Variants in ASTN2 observed in about 807,000 individuals in gnomAD.
ASTN2 encodes astrotactin-2.
In ASTN2, 54 loss-of-function variants were observed where a neutral mutation model predicts 139.8. That is an observed-to-expected ratio of 0.39 (90% confidence interval 0.31 to 0.48). The LOEUF is 0.48. Among genes scored for constraint, ASTN2 ranks in the 20% least tolerant of loss-of-function variants. The pLI, the probability that ASTN2 is intolerant of heterozygous loss-of-function variation, is 0.95. For synonymous variants in ASTN2, 756 were observed against 719.5 expected (o/e 1.05, Z -0.81); for missense variants, 1,565 against 1,725.1 (o/e 0.91, Z 1.64).
chr9:117,006,171 C>T (rs1304364804), intron 7 of ASTN2, among the ~76,000 whole-genome samples: 1 of 152,078 alleles, frequency 6.6e-6, no homozygotes, highest in East Asian at 1.9e-4. Context: ...CTTTATTTCC[C>T]ATTTTGGCAG....
intron 1 of ASTN2, among the ~76,000 whole-genome samples, chr9:117,351,579 G>T (rs763448153): frequency 1.3e-5 from 2 of 152,060 alleles, no homozygotes; most frequent in Non-Finnish European, 2.9e-5. Context: ...CTCCCTTCAA[G>T]TCTCTACAAT....
At position 117,018,725 on chromosome 9, in the gene ASTN2, G is replaced by T. The variant is rs186903927; in HGVS notation, c.1424-10466C>A. On this transcript the variant is annotated intron_variant, in intron 6 of 22. Transcript: ENST00000313400. ...TCTCTGCTTGCTCATCTAAAAGAGG[G>T]TGAATAGCACTTATCTTGCAGTATT... is the stretch of plus-strand genomic sequence containing the variant. Among the ~76,000 whole-genome samples the T allele has an allele frequency of 1.1e-4, 17 of 152,226 alleles. 1 individual carries two copies. The East Asian group carries it at 3.1e-3, about 28-fold the overall frequency.
chr9:117,170,915 T>G (rs1447250262), intron 3 of ASTN2, among the ~76,000 whole-genome samples: 1 of 152,162 alleles, frequency 6.6e-6, no homozygotes, highest in African/African-American at 2.4e-5. Context: ...CACAAATACA[T>G]GTACCAAGAG....
chr9:116,895,264 T>C (rs893022554), intron 10 of ASTN2, among the ~76,000 whole-genome samples: 2 of 152,228 alleles, frequency 1.3e-5, no homozygotes, highest in Non-Finnish European at 2.9e-5. Context: ...ATAAGGTGTA[T>C]ATGAAACATA....
intron 6 of ASTN2, among the ~76,000 whole-genome samples, chr9:117,020,295 C>T (rs932655178): frequency 2.0e-5 from 3 of 150,740 alleles, no homozygotes; most frequent in African/African-American, 7.3e-5. Flanking sequence ...AGAATATATA[C>T]AAATTGTAGT....
At chr9:116,953,620 C>A (rs747678913) in intron 10 of ASTN2, among the ~76,000 whole-genome samples, 4 of 152,096 alleles carry the variant, frequency 2.6e-5, no homozygotes, top group Non-Finnish European at 5.9e-5. Flanking sequence ...GTAGCTGCTG[C>A]CTAAAGAATA....
chr9:117,020,038 GTGTGTGTA>G (rs1438298453), intron 6 of ASTN2, among the ~76,000 whole-genome samples: 6 of 144,694 alleles, frequency 4.1e-5, no homozygotes, highest in Non-Finnish European at 9.1e-5. Context: ...GTGTGTGTGT[GTGTGTGTA>G]TGTGTGTGTG....
chr9:117,133,486 G>T, intron 4 of ASTN2, among the ~76,000 whole-genome samples: 1 of 152,282 alleles, frequency 6.6e-6, no homozygotes, highest in East Asian at 1.9e-4. Flanking sequence ...CCAGAGAGTG[G>T]AAGGTCTTGT....
chr9:117,093,454 G>T (rs1177597493), intron 5 of ASTN2, among the ~76,000 whole-genome samples: 1 of 152,100 alleles, frequency 6.6e-6, no homozygotes, highest in Non-Finnish European at 1.5e-5. Context: ...AAGTGGGGGG[G>T]CTGGGATTTG....
chr9:116,685,907 T>A (rs1860175409), intron 16 of ASTN2, among the ~76,000 whole-genome samples: 1 of 152,008 alleles, frequency 6.6e-6, no homozygotes, highest in Non-Finnish European at 1.5e-5. Context: ...TATGTATATA[T>A]GTAAGACTAT....
intron 17 of ASTN2, among the ~76,000 whole-genome samples, chr9:116,648,518 C>G (rs753760485): frequency 9.2e-5 from 14 of 152,162 alleles, no homozygotes; most frequent in African/African-American, 2.6e-4. Context: ...CTATCCTGAC[C>G]CTGCAGCTGG....
At chr9:116,546,650 T>C (rs1419920027) in intron 19 of ASTN2, 2 of 152,192 alleles carry the variant, frequency 1.3e-5, no homozygotes, top group Non-Finnish European at 2.9e-5. Flanking sequence ...AACACAGCTA[T>C]TGCCTCTTGG....
intron 10 of ASTN2, among the ~76,000 whole-genome samples, chr9:116,922,181 A>T (rs935567805): frequency 6.6e-6 from 1 of 152,206 alleles, no homozygotes; most frequent in Admixed American, 6.5e-5. Context: ...CTAAGTCAAA[A>T]GCTATCTTCC....
At chr9:117,155,270 C>T (rs150436536) in intron 3 of ASTN2, among the ~76,000 whole-genome samples, 68 of 152,134 alleles carry the variant, frequency 4.5e-4, no homozygotes, top group Admixed American at 6.6e-4. Flanking sequence ...CCTTCCCAAA[C>T]AGCAGCCAAA....
At chr9:117,192,267 C>T (rs758128488) in intron 3 of ASTN2, among the ~76,000 whole-genome samples, 30 of 151,986 alleles carry the variant, frequency 2.0e-4, no homozygotes, top group African/African-American at 9.7e-5. Flanking sequence ...GCAAAAAAGC[C>T]GCAGAGGCAG....
intron 17 of ASTN2, among the ~76,000 whole-genome samples, chr9:116,647,175 T>C (rs1448495163): frequency 6.6e-6 from 1 of 152,200 alleles, no homozygotes; most frequent in Non-Finnish European, 1.5e-5. Context: ...TCCACCAGCC[T>C]AGTACTCTAT....
At chr9:117,389,382 A>G (rs1156477050) in intron 1 of ASTN2, among the ~76,000 whole-genome samples, 1 of 152,226 alleles carries the variant, frequency 6.6e-6, no homozygotes, top group African/African-American at 2.4e-5. Context: ...AAAGGAAATG[A>G]AAATGACAGA....
At chr9:117,041,005 G>T (rs12351322) in intron 5 of ASTN2, among the ~76,000 whole-genome samples, 43,130 of 152,020 alleles carry the variant, frequency 0.28, 6,370 homozygotes, top group Middle Eastern at 0.33. Flanking sequence ...TAGCTAATTA[G>T]ATTCTAACAC....
intron 5 of ASTN2, among the ~76,000 whole-genome samples, chr9:117,063,899 C>T (rs963398786): frequency 1.2e-4 from 18 of 151,890 alleles, no homozygotes; most frequent in African/African-American, 3.9e-4. Context: ...CAGAGCTAGC[C>T]GAGAGCTATA....
Sources: gnomAD v4.1 joint callset for allele counts (sites outside exome capture counted in the v4.1 genomes callset) on GRCh38, gnomAD v4.1.1 for gene constraint, MANE v1.5 for transcripts, NCBI Gene and HGNC (gene_info 2026-07-23, HGNC 2026-07-21) for gene names.